The following FRRS1L variants were observed in gnomAD, a reference collection of about 807,000 sequenced individuals.
FRRS1L encodes ferric chelate reductase 1 like.
FRRS1L carries 22 observed loss-of-function variants against 28.6 expected under a neutral mutation model. That is an observed-to-expected ratio of 0.77 (90% CI 0.55 to 1.10). The LOEUF (loss-of-function observed/expected upper bound fraction) is 1.10, where lower values mean the gene tolerates loss of function less well. Ranked by LOEUF, FRRS1L falls within the 50% of genes least tolerant of loss-of-function variation. The pLI is 0.00. For missense variants in FRRS1L, 380 were observed against 386.9 expected, an observed-to-expected ratio of 0.98 and a Z score of 0.15; for synonymous variants, 158 against 151.4, an observed-to-expected ratio of 1.04 and a Z score of -0.32.
At chr9:109,144,188 G>A (rs931795167) in intron 3 of FRRS1L, among the ~76,000 whole-genome samples, 3 of 152,088 alleles carry the variant, frequency 2.0e-5, no homozygotes, top group Non-Finnish European at 2.9e-5. Flanking sequence ...TATCCATGCA[G>A]TCTTACCAGT....
rs191406498 is a variant in FRRS1L at position 109,146,266 on chromosome 9, T to C, written c.462+785A>G. Among the ~76,000 whole-genome samples the C allele has an allele frequency of 2.6e-3, 393 of 152,030 alleles. 3 individuals are homozygous for C. Among genetic ancestry groups the C allele is most frequent in the African/African-American group, 8.8e-3 (363 of 41,460 alleles). ...TAAATGAGTAAAGTGTTTCTCTGAG[T>C]TCTGTGAGCCACTCCAGGAGATTAA... On this transcript the variant is annotated intron_variant, in intron 3 of 4. Coordinates refer to ENST00000561981, the MANE Select transcript of FRRS1L (RefSeq NM_014334.4).
intron 1 of FRRS1L, among the ~76,000 whole-genome samples, chr9:109,156,670 T>C (rs1430531355): frequency 6.7e-6 from 1 of 148,960 alleles, no homozygotes; most frequent in Non-Finnish European, 1.5e-5. Flanking sequence ...ATTACAGGCA[T>C]GAGCCACTGC....
At chr9:109,166,674 T>C (rs929701653) in intron 1 of FRRS1L, among the ~76,000 whole-genome samples, 1 of 151,858 alleles carries the variant, frequency 6.6e-6, no homozygotes, top group South Asian at 2.1e-4. Flanking sequence ...TCTCCCCATC[T>C]GTAAAGCGGG....
In FRRS1L at chr9:109,132,638, A is replaced by C. The variant is rs1003906909; in HGVS notation, c.*4817T>G. ...TATATTGGTGTGTCCCTATCTAAGAACAAGGGTGGGAAAGCCACAGTCCAT... is the reference window on the plus strand; with the variant it reads ...TATATTGGTGTGTCCCTATCTAAGACCAAGGGTGGGAAAGCCACAGTCCAT... On this transcript the variant is annotated 3_prime_UTR_variant, in exon 5 of 5. Coordinates refer to ENST00000561981, the MANE Select transcript of FRRS1L (RefSeq NM_014334.4). The C allele has an allele frequency of 6.6e-6, 1 of 152,176 alleles. No individual in the cohort carries two copies. Among genetic ancestry groups the C allele is most frequent in the Non-Finnish European group, 1.5e-5 (1 of 68,034 alleles). The allele number at this position is 152,176 out of a possible 1,614,324, so 9.4% of individuals were successfully genotyped here. A position where few individuals can be genotyped will look rare whatever the true frequency, so the allele number is the denominator to read the frequency against.
chr9:109,155,683 G>A (rs959249834), intron 1 of FRRS1L, among the ~76,000 whole-genome samples: 9 of 136,734 alleles, frequency 6.6e-5, no homozygotes, highest in Admixed American at 4.8e-4. Flanking sequence ...CAGCCTGGGC[G>A]ACAGAGCAAG....
intron 2 of FRRS1L, chr9:109,148,062 G>C (rs1831286686): frequency 6.6e-6 from 1 of 151,536 alleles, no homozygotes; most frequent in Non-Finnish European, 1.5e-5. Context: ...TCCACCTCTT[G>C]GGTTCAAGCA....
intron 1 of FRRS1L, among the ~76,000 whole-genome samples, chr9:109,153,195 G>A (rs1831357629): frequency 6.6e-6 from 1 of 152,106 alleles, no homozygotes. Context: ...AGTTTATGCT[G>A]AGCAACGGGA....
chr9:109,153,130 T>A (rs994016133), intron 1 of FRRS1L, among the ~76,000 whole-genome samples: 8 of 152,214 alleles, frequency 5.3e-5, no homozygotes, highest in African/African-American at 1.9e-4. Context: ...AACCTTGGAA[T>A]TTCCCAAGTA....
chr9:109,166,246 C>T lies in FRRS1L; in HGVS notation c.238+655G>A, dbSNP rs537726128. Among the ~76,000 whole-genome samples, 21 of 152,264 alleles carry T rather than the reference C, an allele frequency of 1.4e-4. No individual in the cohort carries two copies. The East Asian group carries it at 3.7e-3, about 27-fold the overall frequency. On this transcript the variant is annotated intron_variant, in intron 1 of 4. Coordinates refer to ENST00000561981, the MANE Select transcript of FRRS1L (RefSeq NM_014334.4). ...TCGTTGAAGCAGCTCTACAGGGAGG[C>T]CCTTGGCTGACAAACTCCCAGTCTG...
rs995206949 is a variant in FRRS1L at position 109,149,776 on chromosome 9, G to A, written c.239-56C>T. On this transcript the variant is annotated intron_variant, in intron 1 of 4. Transcript: ENST00000561981. ...AATCCAGTAACAACTGTTCCAATGA[G>A]AATTTTTAAAAATGTGTTGACTGTT... is the stretch of plus-strand genomic sequence containing the variant. 12 of 1,195,140 alleles carry A rather than the reference G, an allele frequency of 1.0e-5. No individual in the cohort carries two copies. In the African/African-American group the frequency reaches 1.7e-4, roughly 17 times the overall value. The allele number at this position is 1,195,140 out of a possible 1,614,324, so 74.0% of individuals were successfully genotyped here. A position where few individuals can be genotyped will look rare whatever the true frequency, so the allele number is the denominator to read the frequency against.
In FRRS1L at chr9:109,137,357, A is replaced by C. The variant is rs746604659; in HGVS notation, c.*98T>G. The C allele has an allele frequency of 6.5e-5, 48 of 742,388 alleles. No individual in the cohort carries two copies. Among genetic ancestry groups the C allele is most frequent in the Non-Finnish European group, 9.1e-5 (46 of 508,056 alleles). The allele number at this position is 742,388 out of a possible 1,614,324, so 46.0% of individuals were successfully genotyped here. A position where few individuals can be genotyped will look rare whatever the true frequency, so the allele number is the denominator to read the frequency against. On this transcript the variant is annotated 3_prime_UTR_variant, in exon 5 of 5. Transcript: ENST00000561981. The stretch of plus-strand genomic sequence containing the variant: ...GAAATTATATGAGGTTTTTTTTCTT[A>C]AATAATTGAAGCTAAAATTATACTG...
intron 2 of FRRS1L, among the ~76,000 whole-genome samples, chr9:109,148,947 A>G (rs1831295693): frequency 6.6e-6 from 1 of 152,200 alleles, no homozygotes; most frequent in African/African-American, 2.4e-5. Flanking sequence ...TTAGACCTTA[A>G]GTACTGAACA....
At chr9:109,141,162 T>A (rs1831180524) in intron 4 of FRRS1L, 181 bp downstream of exon 4, 2 of 636,600 alleles carry the variant, frequency 3.1e-6, no homozygotes, top group South Asian at 2.0e-5. Context: ...TTTGTCCGTA[T>A]AATAAGTCCA....
intron 4 of FRRS1L, 112 bp from the exon 5 acceptor site, chr9:109,137,739 G>A: frequency 1.8e-6 from 1 of 554,614 alleles, no homozygotes. Context: ...TACGTAAGCA[G>A]TGGTTACAAA....
intron 1 of FRRS1L, among the ~76,000 whole-genome samples, chr9:109,164,891 T>A (rs1831527828): frequency 6.6e-6 from 1 of 152,220 alleles, no homozygotes; most frequent in Non-Finnish European, 1.5e-5. Context: ...TCCTACTTCA[T>A]GGCTTGACTC....
chr9:109,154,942 A>C (rs1831385273), intron 1 of FRRS1L, among the ~76,000 whole-genome samples: 1 of 152,212 alleles, frequency 6.6e-6, no homozygotes, highest in African/African-American at 2.4e-5. Flanking sequence ...GCCAGGTTGC[A>C]AAAAGTTTTT....
At chr9:109,153,432 T>C (rs1286886966) in intron 1 of FRRS1L, among the ~76,000 whole-genome samples, 1 of 152,160 alleles carries the variant, frequency 6.6e-6, no homozygotes, top group Non-Finnish European at 1.5e-5. Flanking sequence ...GGGAGGGCAA[T>C]GTGATAATCC....
At chr9:109,153,328 G>A (rs937375109) in intron 1 of FRRS1L, among the ~76,000 whole-genome samples, 1 of 152,158 alleles carries the variant, frequency 6.6e-6, no homozygotes, top group Non-Finnish European at 1.5e-5. Context: ...GTGGCCAAAT[G>A]ATTAAATCAA....
chr9:109,160,487 A>C (rs1238546015), intron 1 of FRRS1L, among the ~76,000 whole-genome samples: 1 of 43,510 alleles, frequency 2.3e-5, no homozygotes, highest in Non-Finnish European at 5.4e-5. Flanking sequence ...CCTAGGCTCA[A>C]GTGATCCTCC....
Sources: gnomAD v4.1 joint callset for allele counts (sites outside exome capture counted in the v4.1 genomes callset) on GRCh38, gnomAD v4.1.1 for gene constraint, MANE v1.5 for transcripts, NCBI Gene and HGNC (gene_info 2026-07-23, HGNC 2026-07-21) for gene names.